MTBP: variants seen among roughly 807,000 people sequenced by gnomAD.
MTBP encodes the protein mdm2-binding protein.
Under a neutral mutation model 117.0 loss-of-function variants are expected in MTBP, and 101 were observed. The ratio of observed to expected loss-of-function variants is 0.86; its 90% CI spans 0.73 to 1.02. The LOEUF (loss-of-function observed/expected upper bound fraction) is 1.02. Among genes scored for constraint, MTBP ranks in the 50% least tolerant of loss-of-function variants. The pLI is 0.00. For synonymous variants in MTBP, 350 were observed against 351.5 expected, an observed-to-expected ratio of 1.00 and a Z score of 0.05; for missense variants, 970 against 1,030.9, an observed-to-expected ratio of 0.94 and a Z score of 0.81.
At chr8:120,453,022 A>G (rs6989609) in intron 4 of MTBP, among the ~76,000 whole-genome samples, 14,933 of 152,168 alleles carry the variant, frequency 0.098, 860 homozygotes, top group Middle Eastern at 0.18. Flanking sequence ...AAAAAATTGC[A>G]TCATATAGAT....
At chr8:120,449,387 A>C (rs1813291017) in intron 2 of MTBP, among the ~76,000 whole-genome samples, 4 of 152,214 alleles carry the variant, frequency 2.6e-5, no homozygotes, top group Admixed American at 2.6e-4. Context: ...AAGAAGTAAA[A>C]ATGTAAAAAT....
At chr8:120,479,578 C>T (rs906311411) in intron 11 of MTBP, among the ~76,000 whole-genome samples, 7 of 152,004 alleles carry the variant, frequency 4.6e-5, no homozygotes, top group Non-Finnish European at 7.4e-5. Context: ...AGGACAGACC[C>T]GTATACATGC....
intron 10 of MTBP, among the ~76,000 whole-genome samples, chr8:120,467,245 G>A (rs1389951997): frequency 6.6e-6 from 1 of 152,182 alleles, no homozygotes; most frequent in Non-Finnish European, 1.5e-5. Flanking sequence ...TCAGAGAGAG[G>A]AATTTGCAAG....
At chr8:120,470,435 TG>T (rs1813793834) in intron 10 of MTBP, among the ~76,000 whole-genome samples, 1 of 152,210 alleles carries the variant, frequency 6.6e-6, no homozygotes, top group African/African-American at 2.4e-5. Flanking sequence ...TATAAGATGA[TG>T]GTTGAATATA....
intron 5 of MTBP, among the ~76,000 whole-genome samples, chr8:120,454,151 C>G (rs954613033): frequency 1.4e-4 from 21 of 151,998 alleles, no homozygotes; most frequent in Non-Finnish European, 2.2e-4. Context: ...AAATAACTAT[C>G]TCTGTTTCTT....
chr8:120,483,477 T>A (rs1814140782), intron 11 of MTBP, among the ~76,000 whole-genome samples: 1 of 152,188 alleles, frequency 6.6e-6, no homozygotes, highest in Non-Finnish European at 1.5e-5. Flanking sequence ...GATATATTTT[T>A]TCCTTCCATC....
At position 120,517,957 on chromosome 8, in the gene MTBP, T is replaced by C; in HGVS notation, c.2353T>C (p.Leu785=). ...CAGAAAGCCACAAACAGAACGGTCCTTACCAGTGACTTGTCCATTGGTTCC... is the reference window on the plus strand; with the variant it reads ...CAGAAAGCCACAAACAGAACGGTCCCTACCAGTGACTTGTCCATTGGTTCC... ...TSRKPQTERS[L]PVTCPLVPIP... The change falls in exon 19 of 22, where the codon TTA becomes CTA. Residue 785 remains leucine (L), a synonymous_variant. Transcript: ENST00000305949. 1 of 1,612,762 alleles carries C rather than the reference T, an allele frequency of 6.2e-7. No individual in the cohort carries two copies. The highest frequency in any genetic ancestry group is 8.5e-7 in the Non-Finnish European group (1 of 1,179,072).
chr8:120,509,373 C>T (rs111739210), intron 16 of MTBP, among the ~76,000 whole-genome samples: 65 of 152,048 alleles, frequency 4.3e-4, no homozygotes, highest in African/African-American at 1.4e-3. Context: ...AGGCTGAGGC[C>T]GGCGGATCAC....
Position 120,479,042 on chromosome 8 carries a change from G to A in MTBP, c.1165+8105G>A, listed in dbSNP as rs537608286. Among the ~76,000 whole-genome samples, 5 of 152,226 alleles carry A rather than the reference G, an allele frequency of 3.3e-5. 1 individual carries two copies. Among genetic ancestry groups the A allele is most frequent in the African/African-American group, 9.6e-5 (4 of 41,538 alleles). ...GCAACTGGAGGCCATTATCCTAAAC[G>A]AATTATCACAGAAACAGAAAATCAA... On this transcript the variant is annotated intron_variant, in intron 11 of 21. Coordinates refer to ENST00000305949, the MANE Select transcript of MTBP (RefSeq NM_022045.5).
intron 11 of MTBP, chr8:120,473,251 G>T (rs1196245055): frequency 6.6e-6 from 1 of 151,934 alleles, no homozygotes; most frequent in East Asian, 1.9e-4. Flanking sequence ...TCAATTCGTG[G>T]TTGGTTGAAT....
intron 17 of MTBP, among the ~76,000 whole-genome samples, chr8:120,514,668 A>G (rs1224895935): frequency 6.6e-6 from 1 of 152,004 alleles, no homozygotes; most frequent in Non-Finnish European, 1.5e-5. Flanking sequence ...TGTGCTACAT[A>G]TTGTCAGCAT....
intron 14 of MTBP, among the ~76,000 whole-genome samples, chr8:120,500,955 G>T (rs1814570643): frequency 6.6e-6 from 1 of 152,034 alleles, no homozygotes; most frequent in Non-Finnish European, 1.5e-5. Flanking sequence ...ACTTTGGGAG[G>T]CCGAGGTGGG....
At chr8:120,522,941 A>C (rs1486181042) in intron 21 of MTBP, among the ~76,000 whole-genome samples, 1 of 152,182 alleles carries the variant, frequency 6.6e-6, no homozygotes, top group Admixed American at 6.6e-5. Flanking sequence ...AGTGACACTA[A>C]GAAAGCAAAA....
At position 120,502,540 on chromosome 8, in the gene MTBP, C is replaced by A. The variant is rs752020926; in HGVS notation, c.1658C>A (p.Pro553His). 1 of 1,606,518 alleles carries A rather than the reference C, an allele frequency of 6.2e-7. No homozygotes were observed. Among genetic ancestry groups the A allele is most frequent in the South Asian group, 1.1e-5 (1 of 88,340 alleles). Residue 553 changes from proline (P) to histidine (H), a missense_variant, in exon 15 of 22, where the codon CCT becomes CAT. Coordinates refer to ENST00000305949, the MANE Select transcript of MTBP (RefSeq NM_022045.5). ...PNSSSLMETN[P>H]LEWPERHVLQ... ...TCCTCAAGTCTAATGGAAACCAATC[C>A]TCTGGAATGGCCAGAAAGGCATGTT...
At chr8:120,477,305 G>A (rs1457976774) in intron 11 of MTBP, among the ~76,000 whole-genome samples, 5 of 152,140 alleles carry the variant, frequency 3.3e-5, no homozygotes, top group Non-Finnish European at 7.3e-5. Flanking sequence ...AACCCTAGAA[G>A]AAAACTTAGG....
chr8:120,499,376 TA>T (rs1255863790), intron 14 of MTBP, among the ~76,000 whole-genome samples: 15 of 152,218 alleles, frequency 9.9e-5, no homozygotes, highest in Admixed American at 9.8e-4. Flanking sequence ...TTTTATGTTA[TA>T]CTTTCTCCCT....
intron 17 of MTBP, among the ~76,000 whole-genome samples, chr8:120,513,218 A>G (rs1301100633): frequency 6.6e-6 from 1 of 152,024 alleles, no homozygotes; most frequent in African/African-American, 2.4e-5. Context: ...AACTTCCTTC[A>G]TCTATTCCAA....
intron 19 of MTBP, 56 bp downstream of exon 19, chr8:120,518,156 G>T: frequency 1.9e-6 from 3 of 1,539,644 alleles, no homozygotes; most frequent in Non-Finnish European, 2.6e-6. Flanking sequence ...TTTTAAATTT[G>T]ATTACTTTAA....
At chr8:120,486,313 T>G (rs1276041703) in intron 11 of MTBP, among the ~76,000 whole-genome samples, 1 of 152,146 alleles carries the variant, frequency 6.6e-6, no homozygotes, top group East Asian at 1.9e-4. Flanking sequence ...TGGGTAGTGC[T>G]TAGGGCCTTC....
Sources: allele counts gnomAD v4.1 joint callset (sites outside exome capture counted in the v4.1 genomes callset), GRCh38; gene constraint gnomAD v4.1.1; transcripts MANE v1.5; gene names NCBI Gene and HGNC (gene_info 2026-07-23, HGNC 2026-07-21).